Variants in CPED1 observed in about 807,000 individuals in gnomAD.
CPED1 encodes cadherin like and PC-esterase domain containing 1, also known as cadherin-like and PC-esterase domain-containing protein 1.
CPED1 carries 114 observed loss-of-function variants against 128.2 expected under a neutral mutation model. The observed-to-expected ratio is 0.89, with a 90% CI of 0.76 to 1.04. The LOEUF (loss-of-function observed/expected upper bound fraction) is 1.04, where lower values mean the gene tolerates loss of function less well. Ranked by LOEUF, CPED1 falls within the 50% of genes least tolerant of loss-of-function variation. The pLI is 0.00. For synonymous variants in CPED1, 462 were observed against 426.7 expected, an observed-to-expected ratio of 1.08 and a Z score of -1.02; for missense variants, 1,211 against 1,207.1, an observed-to-expected ratio of 1.00 and a Z score of -0.05.
chr7:121,022,989 T>A (rs931628106), intron 3 of CPED1, among the ~76,000 whole-genome samples: 2 of 151,988 alleles, frequency 1.3e-5, no homozygotes, highest in Non-Finnish European at 2.9e-5. Flanking sequence ...AGTAAATCAT[T>A]GTTTTACTTC....
chr7:121,072,875 A>C (rs2192290), intron 5 of CPED1, among the ~76,000 whole-genome samples: 1 of 151,990 alleles, frequency 6.6e-6, no homozygotes, highest in East Asian at 1.9e-4. Flanking sequence ...ACATTGACTC[A>C]AGAGTATCTT....
At chr7:121,240,624 T>G (rs1459411151) in intron 17 of CPED1, among the ~76,000 whole-genome samples, 2 of 151,960 alleles carry the variant, frequency 1.3e-5, no homozygotes, top group African/African-American at 4.8e-5. Context: ...CGCTGATTAT[T>G]TTGTGGTGAC....
At chr7:121,061,827 T>C (rs1793680145) in intron 4 of CPED1, among the ~76,000 whole-genome samples, 1 of 152,240 alleles carries the variant, frequency 6.6e-6, no homozygotes. Context: ...TAAAAAGTTA[T>C]AATCTGTGTA....
chr7:121,120,165 A>G (rs113645934), intron 7 of CPED1, among the ~76,000 whole-genome samples: 1,566 of 152,340 alleles, frequency 0.01, 28 homozygotes, highest in African/African-American at 0.035. Context: ...CTGTATACCC[A>G]GAAGTGGAAT....
chr7:121,184,284 G>A (rs1431393111), intron 16 of CPED1, among the ~76,000 whole-genome samples: 4 of 152,114 alleles, frequency 2.6e-5, no homozygotes, highest in Non-Finnish European at 4.4e-5. Flanking sequence ...ATAAAAAGGG[G>A]AAAAGAGTGT....
chr7:121,062,407 C>T (rs918771578), intron 4 of CPED1, among the ~76,000 whole-genome samples: 1 of 152,160 alleles, frequency 6.6e-6, no homozygotes, highest in African/African-American at 2.4e-5. Context: ...AAAGTCCATA[C>T]GGACACCAAA....
intron 4 of CPED1, among the ~76,000 whole-genome samples, chr7:121,049,822 C>A (rs1465710041): frequency 6.6e-6 from 1 of 152,178 alleles, no homozygotes; most frequent in African/African-American, 2.4e-5. Context: ...AAGATTCTGT[C>A]TCTTCTAGTA....
rs571293447 is a variant in CPED1, at chr7:121,280,651, A to T, written c.2868+9221A>T. Reference sequence around the variant, plus strand: ...ATTCCCTTCAATCAAAACACAGTTTATTTCATGTGGCCATAATTAAATATT... The same window carrying T: ...ATTCCCTTCAATCAAAACACAGTTTTTTTCATGTGGCCATAATTAAATATT... On this transcript the variant is annotated intron_variant, in intron 22 of 22. Transcript: ENST00000310396. Among the ~76,000 whole-genome samples, 3 of 152,318 alleles carry T rather than the reference A, an allele frequency of 2.0e-5. No individual in the cohort carries two copies. The South Asian group carries it at 6.2e-4, about 32-fold the overall frequency.
intron 18 of CPED1, among the ~76,000 whole-genome samples, chr7:121,248,593 A>G (rs1267679722): frequency 6.9e-6 from 1 of 144,326 alleles, no homozygotes; most frequent in Admixed American, 6.8e-5. Context: ...ACCCTGTGAA[A>G]CAAAAAAAAA....
chr7:121,038,510 A>G (rs1792961540), intron 3 of CPED1, among the ~76,000 whole-genome samples: 1 of 152,178 alleles, frequency 6.6e-6, no homozygotes, highest in Admixed American at 6.5e-5. Flanking sequence ...TGACATGTAT[A>G]ATTAATATGT....
At position 121,133,906 on chromosome 7, in the gene CPED1, A is replaced by G. The variant is rs1795729564; in HGVS notation, c.1648+13A>G. 1 of 1,414,404 alleles carries G rather than the reference A, an allele frequency of 7.1e-7. No homozygotes were observed. Among genetic ancestry groups the G allele is most frequent in the South Asian group, 1.2e-5 (1 of 80,512 alleles). The allele number at this position is 1,414,404 out of a possible 1,614,324, so 87.6% of individuals were successfully genotyped here. On this transcript the variant is annotated intron_variant, in intron 13 of 22. Transcript: ENST00000310396. ...GAAAATAAAAAAGGTAAAAATATAG[A>G]TATTCCCACTTATTTCAACATAAAA...
intron 16 of CPED1, among the ~76,000 whole-genome samples, chr7:121,227,014 A>T (rs1235505257): frequency 6.6e-6 from 1 of 152,108 alleles, no homozygotes; most frequent in Non-Finnish European, 1.5e-5. Context: ...CTCAAAAGGG[A>T]GAACCACAAA....
intron 4 of CPED1, among the ~76,000 whole-genome samples, chr7:121,055,089 T>C (rs1283679244): frequency 6.6e-6 from 1 of 152,190 alleles, no homozygotes; most frequent in Non-Finnish European, 1.5e-5. Flanking sequence ...CACAGGCTGT[T>C]TATTCATTCA....
In CPED1 at chr7:121,060,066, C is replaced by T. The variant is rs544146635; in HGVS notation, c.541-4172C>T. On this transcript the variant is annotated intron_variant, in intron 4 of 22. Coordinates refer to ENST00000310396, the MANE Select transcript of CPED1 (RefSeq NM_024913.5). ...GGCTTGGCGGGCCCTGCACTCGGAG[C>T]AGCCGGCCGGCCCTGCCGGCCCGGG... 2.5e-4 allele frequency among the ~76,000 whole-genome samples: 38 copies of T among 152,198 alleles called. 1 individual carries two copies. The South Asian group carries it at 7.2e-3, about 29-fold the overall frequency.
intron 5 of CPED1, among the ~76,000 whole-genome samples, chr7:121,092,224 C>T (rs1794590355): frequency 6.6e-6 from 1 of 152,202 alleles, no homozygotes; most frequent in Non-Finnish European, 1.5e-5. Flanking sequence ...GCCAATCTAA[C>T]ACTACATTGT....
chr7:121,051,393 T>C, intron 4 of CPED1: 1 of 450,924 alleles, frequency 2.2e-6, no homozygotes, highest in South Asian at 1.7e-5. Context: ...AGAGGTAAAA[T>C]CATTTGCTGG....
intron 7 of CPED1, among the ~76,000 whole-genome samples, chr7:121,110,591 A>G (rs111613715): frequency 0.015 from 2,275 of 152,258 alleles, 25 homozygotes; most frequent in Non-Finnish European, 0.023. Context: ...ATATTCAGAG[A>G]ATGCCACAAC....
At chr7:121,068,518 C>G (rs991047976) in intron 5 of CPED1, among the ~76,000 whole-genome samples, 2 of 151,852 alleles carry the variant, frequency 1.3e-5, no homozygotes, top group Non-Finnish European at 1.5e-5. Flanking sequence ...GTTACTGTAG[C>G]CTTGTAGTAT....
chr7:121,294,175 T>G (rs1432416523), intron 22 of CPED1, among the ~76,000 whole-genome samples: 1 of 152,156 alleles, frequency 6.6e-6, no homozygotes, highest in Non-Finnish European at 1.5e-5. Flanking sequence ...GTTTGTAAAA[T>G]GTACAAGTAG....
Sources: allele counts gnomAD v4.1 joint callset (sites outside exome capture counted in the v4.1 genomes callset), GRCh38; gene constraint gnomAD v4.1.1; transcripts MANE v1.5; gene names NCBI Gene and HGNC (gene_info 2026-07-23, HGNC 2026-07-21).